NFX1: variants seen among roughly 807,000 people sequenced by gnomAD.
NFX1 encodes the protein nuclear transcription factor, X-box binding 1, also known as transcriptional repressor NF-X1.
In NFX1, 69 loss-of-function variants were observed where a neutral mutation model predicts 137.2. The ratio of observed to expected loss-of-function variants is 0.50; its 90% CI spans 0.41 to 0.61. The LOEUF (loss-of-function observed/expected upper bound fraction) is 0.61. Ranked by LOEUF, NFX1 falls within the 20% of genes least tolerant of loss-of-function variation. The pLI is 0.00. For synonymous variants in NFX1, 495 were observed against 474.1 expected, an observed-to-expected ratio of 1.04 and a Z score of -0.57; for missense variants, 1,167 against 1,391.0, an observed-to-expected ratio of 0.84 and a Z score of 2.56.
intron 19 of NFX1, among the ~76,000 whole-genome samples, chr9:33,363,263 GTATTATTATTAT>G (rs60988084): frequency 0.2 from 29,447 of 144,716 alleles, 3,179 homozygotes; most frequent in African/African-American, 0.26. Flanking sequence ...ATAAAGAAAT[GTATTATTATTAT>G]TATTATTATT....
Position 33,295,224 on chromosome 9 carries a change from A to G in NFX1, c.830A>G (p.Asn277Ser), listed in dbSNP as rs1821310621. 1.9e-6 allele frequency: 3 copies of G among 1,614,064 alleles called. No homozygotes were observed. The highest frequency in any genetic ancestry group is 2.5e-6 in the Non-Finnish European group (3 of 1,180,046). ...HRHTNAGHRN[N>S]MGPIPKDDLN... ...CATACAAACGCAGGACACAGAAACAACATGGGCCCCATTCCAAAGGATGAC... is the reference window on the plus strand; with the variant it reads ...CATACAAACGCAGGACACAGAAACAGCATGGGCCCCATTCCAAAGGATGAC... Residue 277 changes from asparagine to serine, a missense_variant, in exon 2 of 24, where the codon AAC becomes AGC. Transcript: ENST00000379540.
chr9:33,351,399 T>C (rs1823630238), intron 15 of NFX1, among the ~76,000 whole-genome samples, 161 bp from the exon 16 acceptor site: 1 of 151,920 alleles, frequency 6.6e-6, no homozygotes, highest in African/African-American at 2.4e-5. Context: ...AAAGTCATAA[T>C]CACACTGTTG....
intron 17 of NFX1, among the ~76,000 whole-genome samples, chr9:33,353,200 G>A (rs148976573): frequency 3.3e-5 from 5 of 151,968 alleles, no homozygotes; most frequent in East Asian, 1.9e-4. Flanking sequence ...TCTTTTGGTC[G>A]TATTACATTG....
In NFX1 at chr9:33,311,103, C is replaced by T. The variant is rs1326525461; in HGVS notation, c.1377-3C>T. The T allele has an allele frequency of 3.1e-6, 5 of 1,613,996 alleles. No homozygotes were observed. Among genetic ancestry groups the T allele is most frequent in the Non-Finnish European group, 4.2e-6 (5 of 1,179,970 alleles). On this transcript the variant is annotated splice_polypyrimidine_tract_variant and splice_region_variant and intron_variant, in intron 5 of 23. Coordinates refer to ENST00000379540, the MANE Select transcript of NFX1 (RefSeq NM_002504.6). The stretch of plus-strand genomic sequence containing the variant: ...TTTATTCAGTGAAACCTTTCTCTTT[C>T]AGTCTCTGCCATCCAGGACCCTGCC...
At chr9:33,293,005 C>T (rs1564095826) in intron 1 of NFX1, among the ~76,000 whole-genome samples, 1 of 152,174 alleles carries the variant, frequency 6.6e-6, no homozygotes, top group East Asian at 1.9e-4. Context: ...AGAATTCTGC[C>T]TATGTGAAAG....
rs372624000 is a variant in NFX1, at chr9:33,295,025, G to C, written c.631G>C (p.Val211Leu). 3.7e-5 allele frequency: 60 copies of C among 1,614,086 alleles called. No homozygotes were observed. Among genetic ancestry groups the C allele is most frequent in the Non-Finnish European group, 4.9e-5 (58 of 1,180,048 alleles). ...TGCTGGACCCGAAAGTACCAAACCT[G>C]TGGGGGTTTTCCACCCTGACTCTTC... ...EDAGPESTKP[V>L]GVFHPDSSEA... The change falls in exon 2 of 24, where the codon GTG (valine) becomes CTG (leucine). Residue 211 changes from valine to leucine, a missense_variant. Transcript: ENST00000379540.
In NFX1 at chr9:33,366,706, A is replaced by T; in HGVS notation, c.3117A>T (p.Gln1039His). ...GCCGGATCATCCATGACTTGGCCCA[A>T]GTTTATGGCCTGGAGAGCGTGAGCT... Reference protein sequence around the residue: ...DHRRIIHDLAQVYGLESVSYD... With the variant: ...DHRRIIHDLAHVYGLESVSYD... Residue 1039 changes from glutamine to histidine, a missense_variant, in exon 22 of 24, where the codon CAA becomes CAT. This residue lies in a region of NFX1 where 312 missense variants were observed against 312.8 expected (regional missense o/e 1.00). Coordinates refer to ENST00000379540, the MANE Select transcript of NFX1 (RefSeq NM_002504.6). 1 of 1,614,186 alleles carries T rather than the reference A, an allele frequency of 6.2e-7. No homozygotes were observed.
At chr9:33,324,212 C>G (rs1243202894) in intron 9 of NFX1, among the ~76,000 whole-genome samples, 1 of 152,080 alleles carries the variant, frequency 6.6e-6, no homozygotes, top group African/African-American at 2.4e-5. Context: ...AATCTCGTCT[C>G]TACTAAAAAT....
chr9:33,333,090 C>T (rs576328371), intron 11 of NFX1, among the ~76,000 whole-genome samples: 1 of 152,204 alleles, frequency 6.6e-6, no homozygotes, highest in Non-Finnish European at 1.5e-5. Flanking sequence ...AAGTGATCCA[C>T]CCGCCTCGGC....
intron 1 of NFX1, among the ~76,000 whole-genome samples, chr9:33,292,689 A>G (rs771242528): frequency 6.6e-6 from 1 of 152,024 alleles, no homozygotes; most frequent in East Asian, 1.9e-4. Flanking sequence ...TGTCTAGTTG[A>G]ACATATCCTG....
rs761099346 is a variant in NFX1, at chr9:33,332,476, T to G, written c.2009T>G (p.Leu670Arg). 4.3e-5 allele frequency: 68 copies of G among 1,590,274 alleles called. No individual in the cohort carries two copies. The African/African-American group carries it at 8.5e-4, about 20-fold the overall frequency. Residue 670 changes from leucine (L) to arginine (R), a missense_variant, in exon 11 of 24, where the codon CTT (leucine) becomes CGT (arginine). By Grantham distance (102) the Leu-to-Arg change is moderately radical. Around this residue, in one of 3 missense-constraint regions of NFX1, gnomAD observed 488 missense variants for 691.5 expected, o/e 0.71. Transcript: ENST00000379540. ...SCRCSFRTKE[L>R]PCTSLKSEDA... ...TTTCTTTTTCTTTTTCCATAGGAGC[T>G]TCCATGTACCAGTCTCAAAAGTGAA...
intron 14 of NFX1, among the ~76,000 whole-genome samples, chr9:33,346,262 C>T (rs1823417495): frequency 6.6e-6 from 1 of 152,190 alleles, no homozygotes; most frequent in South Asian, 2.1e-4. Flanking sequence ...TGGGCAAGGT[C>T]CATAGTAAGA....
chr9:33,337,543 A>T (rs1324157615), intron 11 of NFX1, among the ~76,000 whole-genome samples: 2 of 151,876 alleles, frequency 1.3e-5, no homozygotes, highest in African/African-American at 4.8e-5. Context: ...TTATTTTTTG[A>T]GTTTTAAAGG....
intron 2 of NFX1, among the ~76,000 whole-genome samples, chr9:33,296,919 CAG>C (rs1167236752): frequency 6.6e-6 from 1 of 152,200 alleles, no homozygotes; most frequent in East Asian, 1.9e-4. Flanking sequence ...TCCTTAAAAA[CAG>C]ACACTGTATA....
At chr9:33,369,255 C>T (rs139354210) in intron 23 of NFX1, among the ~76,000 whole-genome samples, 220 of 152,088 alleles carry the variant, frequency 1.4e-3, no homozygotes, top group African/African-American at 5.1e-3. Context: ...TTAGTAGAAA[C>T]GGGGTTTCAC....
At chr9:33,363,068 A>C (rs1378673967) in intron 19 of NFX1, among the ~76,000 whole-genome samples, 1 of 151,914 alleles carries the variant, frequency 6.6e-6, no homozygotes, top group African/African-American at 2.4e-5. Context: ...AGTATTTTAC[A>C]AAATAGCTAG....
At chr9:33,341,209 A>G (rs1465923171) in intron 12 of NFX1, among the ~76,000 whole-genome samples, 4 of 152,230 alleles carry the variant, frequency 2.6e-5, no homozygotes, top group Non-Finnish European at 5.9e-5. Flanking sequence ...GGGAGGCCTC[A>G]CAATCATGGT....
intron 9 of NFX1, among the ~76,000 whole-genome samples, chr9:33,320,406 G>A (rs1247371957): frequency 6.6e-6 from 1 of 152,116 alleles, no homozygotes; most frequent in East Asian, 1.9e-4. Context: ...GGTGCCCTTG[G>A]CCTGCTGAGG....
In NFX1 at chr9:33,301,424, C is replaced by T. The variant is rs746197424; in HGVS notation, c.1192+3C>T. 1.2e-6 allele frequency: 2 copies of T among 1,613,110 alleles called. No homozygotes were observed. Among genetic ancestry groups the T allele is most frequent in the South Asian group, 1.1e-5 (1 of 90,776 alleles). On this transcript the variant is annotated splice_donor_region_variant and intron_variant, in intron 3 of 23. Coordinates refer to ENST00000379540, the MANE Select transcript of NFX1 (RefSeq NM_002504.6). ...AAGGTCTCCAGCATCTCAAGCAGGT[C>T]AATTAATTCTCTCTTCTGAGTAGTT...
Sources: allele counts gnomAD v4.1 joint callset (sites outside exome capture counted in the v4.1 genomes callset), GRCh38; gene constraint gnomAD v4.1.1; regional missense constraint gnomAD v4.1.1; transcripts MANE v1.5; gene names NCBI Gene and HGNC (gene_info 2026-07-23, HGNC 2026-07-21).